Variants in KIAA0586 observed in about 807,000 individuals in gnomAD.
The protein encoded by KIAA0586 is KIAA0586, also known as protein TALPID3.
A neutral mutation model predicts 169.8 loss-of-function variants in KIAA0586; 144 were observed. That is an observed-to-expected ratio of 0.85 (90% CI 0.74 to 0.97). The LOEUF (loss-of-function observed/expected upper bound fraction) is 0.97. KIAA0586 is among the 50% of genes least tolerant of loss of function. The pLI is 0.00. For synonymous variants in KIAA0586, 625 were observed against 612.4 expected (o/e 1.02, Z -0.30); for missense variants, 1,854 against 1,823.0 (o/e 1.02, Z -0.31).
chr14:58,505,070 T>A (rs1433694690), intron 27 of KIAA0586, among the ~76,000 whole-genome samples: 7 of 152,186 alleles, frequency 4.6e-5, no homozygotes, highest in Non-Finnish European at 7.4e-5. Flanking sequence ...CTGTCCCATG[T>A]ATGCCTTATC....
At chr14:58,485,509 T>G (rs1198834482) in intron 21 of KIAA0586, among the ~76,000 whole-genome samples, 1 of 152,140 alleles carries the variant, frequency 6.6e-6, no homozygotes, top group African/African-American at 2.4e-5. Context: ...TAATTAGTCC[T>G]TTAATAGAGC....
chr14:58,445,417 ATTTCTTTTTC>A (rs1465940020), intron 6 of KIAA0586, among the ~76,000 whole-genome samples: 4 of 151,104 alleles, frequency 2.6e-5, no homozygotes, highest in Non-Finnish European at 3.0e-5. Context: ...TTATTTTGGA[ATTTCTTTTTC>A]TTTCTTTTTC....
At chr14:58,527,233 T>C (rs1262056546) in intron 29 of KIAA0586, among the ~76,000 whole-genome samples, 2 of 152,178 alleles carry the variant, frequency 1.3e-5, no homozygotes, top group African/African-American at 4.8e-5. Context: ...ATCTGATTGG[T>C]GTACCTGAAA....
intron 30 of KIAA0586, among the ~76,000 whole-genome samples, chr14:58,543,568 T>C (rs755328489): frequency 3.9e-5 from 6 of 152,200 alleles, no homozygotes; most frequent in Non-Finnish European, 5.9e-5. Context: ...GGTGGGGCCA[T>C]TCCTAAGTGA....
At chr14:58,519,586 T>C (rs1256135454) in intron 29 of KIAA0586, among the ~76,000 whole-genome samples, 1 of 152,210 alleles carries the variant, frequency 6.6e-6, no homozygotes, top group Non-Finnish European at 1.5e-5. Flanking sequence ...TTAATAAATA[T>C]TTATCGTGTG....
At chr14:58,523,975 T>A (rs1040995636) in intron 29 of KIAA0586, among the ~76,000 whole-genome samples, 2 of 152,186 alleles carry the variant, frequency 1.3e-5, no homozygotes, top group Non-Finnish European at 2.9e-5. Flanking sequence ...AATTTTTTAG[T>A]GATTTTAATT....
At chr14:58,487,391 G>C (rs754780874) in intron 22 of KIAA0586, among the ~76,000 whole-genome samples, 1 of 152,010 alleles carries the variant, frequency 6.6e-6, no homozygotes, top group South Asian at 2.1e-4. Context: ...GGTGAATCAC[G>C]AGGTCAGGAG....
intron 29 of KIAA0586, among the ~76,000 whole-genome samples, chr14:58,539,355 C>T (rs1038097681): frequency 1.3e-5 from 2 of 152,024 alleles, no homozygotes; most frequent in Admixed American, 6.5e-5. Flanking sequence ...TTTCATATCA[C>T]CCTACCCCAA....
In KIAA0586 at chr14:58,497,412, T is replaced by C. The variant is rs370552617; in HGVS notation, c.3991-1371T>C. Reference sequence around the variant, plus strand: ...TATCACTCTGTCGCCCAGGCTGGAGTTCAGTGGCTCAGTCTCGGCTCACTG... The same window carrying C: ...TATCACTCTGTCGCCCAGGCTGGAGCTCAGTGGCTCAGTCTCGGCTCACTG... On this transcript the variant is annotated intron_variant, in intron 26 of 30. Coordinates refer to ENST00000652326, the MANE Select transcript of KIAA0586 (RefSeq NM_001329943.3). Among the ~76,000 whole-genome samples, 4 of 151,314 alleles carry C rather than the reference T, an allele frequency of 2.6e-5. 1 individual carries two copies.
In KIAA0586 at chr14:58,458,369, T is replaced by C. The variant is rs562021436; in HGVS notation, c.1584-104T>C. 2.0e-4 allele frequency: 134 copies of C among 656,086 alleles called. No individual in the cohort carries two copies. In the East Asian group the frequency reaches 4.1e-3, roughly 20 times the overall value. 40.6% of individuals were successfully genotyped at this position (656,086 alleles called of 1,614,324 possible). ...TATCCTTTCCTTTTCAGATGAAAGA[T>C]ATTAGGATAGCAGGTTCACAACTAG... On this transcript the variant is annotated intron_variant, in intron 11 of 30. Coordinates refer to ENST00000652326, the MANE Select transcript of KIAA0586 (RefSeq NM_001329943.3).
Position 58,495,706 on chromosome 14 carries a change from A to T in KIAA0586, c.3991-3077A>T, listed in dbSNP as rs372094671. ...AACATAAATCCTGAAGATCTACTATATTCTTTTTACCTACTATGTAGTATA... is the reference window on the plus strand; with the variant it reads ...AACATAAATCCTGAAGATCTACTATTTTCTTTTTACCTACTATGTAGTATA... On this transcript the variant is annotated intron_variant, in intron 26 of 30. Transcript: ENST00000652326. 2.6e-5 allele frequency among the ~76,000 whole-genome samples: 4 copies of T among 152,244 alleles called. 1 individual carries two copies.
At chr14:58,449,559 G>T (rs893473822) in intron 7 of KIAA0586, among the ~76,000 whole-genome samples, 8 of 152,034 alleles carry the variant, frequency 5.3e-5, no homozygotes, top group Admixed American at 5.2e-4. Context: ...CAACAACAAA[G>T]AACTGTTGTG....
upstream of KIAA0586, chr14:58,427,597 G>C (rs1440139846): frequency 1.3e-6 from 2 of 1,535,534 alleles, no homozygotes; most frequent in African/African-American, 2.7e-5. Flanking sequence ...AGGAATGGAA[G>C]AGCACCAGAG....
At chr14:58,521,829 G>T in intron 29 of KIAA0586, 1 of 857,892 alleles carries the variant, frequency 1.2e-6, no homozygotes, top group Non-Finnish European at 2.0e-6. Context: ...TGTGAAGGTG[G>T]AGTCGGAGCG....
Position 58,467,896 on chromosome 14 carries a change from A to AAGG in KIAA0586, c.2418_2420dup (p.Lys806_Asp807insGlu). 1.2e-6 allele frequency: 2 copies of AAGG among 1,613,594 alleles called. No homozygotes were observed. The highest frequency in any genetic ancestry group is 1.7e-6 in the Non-Finnish European group (2 of 1,179,708). ...CATTGTAGAAATGAAGTCAGAAAAA[A>AAGG]AGGATCCTCCTCAGCTTACTGTGCA... On this transcript the variant is annotated inframe_insertion, in exon 16 of 31. Transcript: ENST00000652326.
rs903512013 is a variant in KIAA0586 at position 58,548,404 on chromosome 14, A to C, written c.*472A>C. The C allele has an allele frequency of 6.6e-6, 1 of 152,526 alleles. No individual in the cohort carries two copies. Among genetic ancestry groups the C allele is most frequent in the Non-Finnish European group, 1.5e-5 (1 of 68,276 alleles). 9.4% of individuals were successfully genotyped at this position (152,526 alleles called of 1,614,324 possible). ...TTAAAAAGTTTATTGATATGGAATAATCTTTGAGATGCACTGTTAAAGTGA... is the reference window on the plus strand; with the variant it reads ...TTAAAAAGTTTATTGATATGGAATACTCTTTGAGATGCACTGTTAAAGTGA... On this transcript the variant is annotated 3_prime_UTR_variant, in exon 31 of 31. Coordinates refer to ENST00000652326, the MANE Select transcript of KIAA0586 (RefSeq NM_001329943.3).
At chr14:58,523,840 A>T (rs2045389977) in intron 29 of KIAA0586, among the ~76,000 whole-genome samples, 1 of 151,978 alleles carries the variant, frequency 6.6e-6, no homozygotes, top group Non-Finnish European at 1.5e-5. Flanking sequence ...CTGGGATTAC[A>T]GGCATGAGCC....
chr14:58,487,488 C>T (rs1012380107), intron 22 of KIAA0586, among the ~76,000 whole-genome samples: 11 of 152,012 alleles, frequency 7.2e-5, no homozygotes, highest in South Asian at 6.2e-4. Context: ...TGCCTGTAAT[C>T]CCAGCTACTC....
chr14:58,536,994 G>GTTTTTTTTTT, intron 29 of KIAA0586: 2 of 1,236,182 alleles, frequency 1.6e-6, no homozygotes, highest in African/African-American at 1.6e-5. Flanking sequence ...CCAGTATTAT[G>GTTTTTTTTTT]TTTTTTTTTC....
Sources: gnomAD v4.1 joint callset for allele counts (sites outside exome capture counted in the v4.1 genomes callset) on GRCh38, gnomAD v4.1.1 for gene constraint, MANE v1.5 for transcripts, NCBI Gene and HGNC (gene_info 2026-07-23, HGNC 2026-07-21) for gene names.